The following RHEB variants were observed in gnomAD, a reference collection of about 807,000 sequenced individuals.
RHEB encodes GTP-binding protein Rheb.
Under a neutral mutation model 28.8 loss-of-function variants are expected in RHEB, and 2 were observed. The ratio of observed to expected loss-of-function variants is 0.07; its 90% CI spans 0.03 to 0.22. The LOEUF (loss-of-function observed/expected upper bound fraction) is 0.22. Among genes scored for constraint, RHEB ranks in the 10% least tolerant of loss-of-function variants. The probability of loss-of-function intolerance (pLI) is 1.00; values close to 1 mark genes in which losing one functional copy is unlikely to be tolerated. For synonymous variants in RHEB, 69 were observed against 77.3 expected, an observed-to-expected ratio of 0.89 and a Z score of 0.56; for missense variants, 76 against 219.9, an observed-to-expected ratio of 0.35 and a Z score of 4.14.
chr7:151,486,299 A>C (rs1379240457), intron 2 of RHEB, among the ~76,000 whole-genome samples: 1 of 152,214 alleles, frequency 6.6e-6, no homozygotes, highest in East Asian at 1.9e-4. Context: ...AGGTTACTGA[A>C]AGGAAACATC....
chr7:151,508,811 G>C (rs991136219), intron 1 of RHEB, among the ~76,000 whole-genome samples: 1 of 151,838 alleles, frequency 6.6e-6, no homozygotes, highest in Non-Finnish European at 1.5e-5. Context: ...ATTGGGCAAG[G>C]CTGCTCTGTA....
intron 1 of RHEB, among the ~76,000 whole-genome samples, chr7:151,516,046 A>AACTTG (rs1347907785): frequency 6.6e-6 from 1 of 151,980 alleles, no homozygotes; most frequent in Non-Finnish European, 1.5e-5. Flanking sequence ...CTACCATTTT[A>AACTTG]AGTTGAGTTA....
intron 1 of RHEB, among the ~76,000 whole-genome samples, chr7:151,497,741 C>T (rs1479022850): frequency 3.9e-5 from 6 of 152,166 alleles, no homozygotes; most frequent in African/African-American, 1.4e-4. Context: ...ACGTTTTCAC[C>T]GGAGGAAGAG....
At chr7:151,484,706 A>T (rs778037441) in intron 3 of RHEB, 31 bp downstream of exon 3, 4 of 1,489,440 alleles carry the variant, frequency 2.7e-6, no homozygotes, top group Non-Finnish European at 3.8e-6. Flanking sequence ...GATATGCTGT[A>T]TAAGATTCTG....
rs918913814 is a variant in RHEB, at chr7:151,502,946, T to C, written c.53-11932A>G. 1.9e-5 allele frequency: 15 copies of C among 786,484 alleles called. No homozygotes were observed. The African/African-American group carries it at 2.5e-4, about 13-fold the overall frequency. The allele number at this position is 786,484 out of a possible 1,614,324, so 48.7% of individuals were successfully genotyped here. On this transcript the variant is annotated intron_variant, in intron 1 of 7. Coordinates refer to ENST00000262187, the MANE Select transcript of RHEB (RefSeq NM_005614.4). ...TATATCCTATGGTGGTGAAAATGGA[T>C]TCAATCAAGCTACTGAGTTATCTAC...
At chr7:151,502,835 G>A (rs537636047) in intron 1 of RHEB, 133 of 1,107,642 alleles carry the variant, frequency 1.2e-4, no homozygotes, top group Non-Finnish European at 1.8e-4. Context: ...GGCTGGTCTA[G>A]TTTTAGCTGG....
intron 3 of RHEB, among the ~76,000 whole-genome samples, chr7:151,482,249 C>A (rs1029395354): frequency 5.2e-4 from 79 of 152,190 alleles, no homozygotes; most frequent in African/African-American, 1.8e-3. Context: ...GACTTCTTCA[C>A]CCTTTTATGT....
chr7:151,472,861 C>T lies in RHEB; in HGVS notation c.276-1256G>A, dbSNP rs765404747. Among the ~76,000 whole-genome samples, 6 of 152,206 alleles carry T rather than the reference C, an allele frequency of 3.9e-5. No individual in the cohort carries two copies. Among genetic ancestry groups the T allele is most frequent in the Admixed American group, 6.5e-5 (1 of 15,284 alleles). ...ATGAAATTTAACCCCCCTACAAGCT[C>T]GCTGTGGGTCAACAAATGGGATATG... On this transcript the variant is annotated intron_variant, in intron 4 of 7. Transcript: ENST00000262187. The surrounding 1 kb of genome is among the most constrained non-coding windows in gnomAD (Gnocchi z 5.2).
intron 1 of RHEB, among the ~76,000 whole-genome samples, chr7:151,491,565 G>A (rs1334630407): frequency 6.6e-6 from 1 of 151,952 alleles, no homozygotes; most frequent in Non-Finnish European, 1.5e-5. Context: ...GCGAAATCCC[G>A]TCTCTACTAA....
chr7:151,471,490 C>T, intron 5 of RHEB, 49 bp from the exon 6 acceptor site: 1 of 1,544,604 alleles, frequency 6.5e-7, no homozygotes, highest in Non-Finnish European at 8.9e-7. Flanking sequence ...GATTGTATTG[C>T]TCAGAAGATA....
intron 1 of RHEB, among the ~76,000 whole-genome samples, chr7:151,517,571 A>G (rs1438792653): frequency 1.3e-5 from 2 of 151,814 alleles, no homozygotes; most frequent in Non-Finnish European, 2.9e-5. Context: ...TTAACAAGCA[A>G]CAGTTTGTGA....
intron 1 of RHEB, among the ~76,000 whole-genome samples, chr7:151,516,305 AAAAAAAAG>A (rs1240290245): frequency 5.3e-5 from 8 of 151,918 alleles, no homozygotes; most frequent in Non-Finnish European, 1.2e-4. Flanking sequence ...ACAACACTCA[AAAAAAAAG>A]AAAAAAAGAA....
chr7:151,517,639 G>A (rs1421281698), intron 1 of RHEB, among the ~76,000 whole-genome samples: 1 of 150,494 alleles, frequency 6.6e-6, no homozygotes, highest in East Asian at 1.9e-4. Context: ...GCTGAATAGA[G>A]GGAAGATAAA....
At chr7:151,519,420 C>T in intron 1 of RHEB, 40 bp downstream of exon 1, 1 of 1,364,502 alleles carries the variant, frequency 7.3e-7, no homozygotes, top group South Asian at 1.7e-5. Flanking sequence ...AGGCGAGGCC[C>T]CGGCGGCGCG....
At chr7:151,477,972 G>A (rs974025598) in intron 3 of RHEB, among the ~76,000 whole-genome samples, 1 of 152,006 alleles carries the variant, frequency 6.6e-6, no homozygotes, top group African/African-American at 2.4e-5. Context: ...AGAGAAAAGA[G>A]GATCAAAACA....
chr7:151,480,552 C>A (rs191386046), intron 3 of RHEB, among the ~76,000 whole-genome samples: 4 of 152,054 alleles, frequency 2.6e-5, no homozygotes, highest in African/African-American at 9.6e-5. Context: ...CTATTTACAC[C>A]TTTTGGCACT....
At chr7:151,519,439 G>A (rs770453445) in intron 1 of RHEB, 21 bp downstream of exon 1, 6 of 1,410,212 alleles carry the variant, frequency 4.3e-6, no homozygotes, top group Non-Finnish European at 1.9e-6. Context: ...CGAGGAGGCC[G>A]CGCGGCCACC....
chr7:151,473,071 T>C (rs1013528740), intron 4 of RHEB, among the ~76,000 whole-genome samples: 1 of 152,232 alleles, frequency 6.6e-6, no homozygotes, highest in Non-Finnish European at 1.5e-5. Context: ...CCTGCTCTCC[T>C]AGTGGCCACA....
chr7:151,479,047 A>G (rs1802325600), intron 3 of RHEB, among the ~76,000 whole-genome samples: 2 of 152,174 alleles, frequency 1.3e-5, no homozygotes, highest in South Asian at 2.1e-4. Context: ...TAATAGCAAT[A>G]TAACAATATA....
Sources: gnomAD v4.1 joint callset for allele counts (sites outside exome capture counted in the v4.1 genomes callset) on GRCh38, gnomAD v4.1.1 for gene constraint, Gnocchi (gnomAD v3.1) non-coding constraint, MANE v1.5 for transcripts, NCBI Gene and HGNC (gene_info 2026-07-23, HGNC 2026-07-21) for gene names.